MPPE1: variants seen among roughly 807,000 people sequenced by gnomAD.
The protein encoded by MPPE1 is metallophosphoesterase 1, also known as metallo phosphoesterase.
MPPE1 carries 28 observed loss-of-function variants against 43.8 expected under a neutral mutation model. The observed-to-expected ratio is 0.64, with a 90% CI of 0.47 to 0.88. The LOEUF (loss-of-function observed/expected upper bound fraction) is 0.88, where lower values mean the gene tolerates loss of function less well. Among genes scored for constraint, MPPE1 ranks in the 40% least tolerant of loss-of-function variants. The pLI is 0.00. For missense variants in MPPE1, 428 were observed against 492.2 expected (o/e 0.87, Z 1.23); for synonymous variants, 159 against 188.5 (o/e 0.84, Z 1.28).
intron 3 of MPPE1, among the ~76,000 whole-genome samples, chr18:11,894,867 A>G (rs2038422988): frequency 6.6e-6 from 1 of 152,196 alleles, no homozygotes; most frequent in African/African-American, 2.4e-5. Context: ...CTGGGATTAC[A>G]GGCATGAGCC....
chr18:11,884,161 C>G lies in MPPE1; in HGVS notation c.*284G>C. The G allele has an allele frequency of 3.3e-6, 1 of 306,902 alleles. No individual in the cohort carries two copies. Among genetic ancestry groups the G allele is most frequent in the South Asian group, 5.1e-5 (1 of 19,738 alleles). The allele number at this position is 306,902 out of a possible 1,614,324, so 19.0% of individuals were successfully genotyped here. On this transcript the variant is annotated 3_prime_UTR_variant, in exon 11 of 11. Transcript: ENST00000588072. ...CAAGGACTGTCGTGCATGTGAGTGA[C>G]GACATTAATAGCATTTACATACTGT... is the stretch of plus-strand genomic sequence containing the variant.
intron 2 of MPPE1, among the ~76,000 whole-genome samples, chr18:11,901,624 T>C (rs530732364): frequency 1.3e-5 from 2 of 151,912 alleles, no homozygotes; most frequent in South Asian, 4.2e-4. Context: ...GTGGATCACC[T>C]GAGGTCAGGA....
chr18:11,896,475 A>T (rs371127641), intron 3 of MPPE1, among the ~76,000 whole-genome samples: 1 of 152,314 alleles, frequency 6.6e-6, no homozygotes, highest in South Asian at 2.1e-4. Flanking sequence ...TGAGTTGGAA[A>T]GATAGGACCT....
Position 11,886,553 on chromosome 18 carries a change from C to T in MPPE1, c.813G>A (p.Arg271=), listed in dbSNP as rs2037285053. 1 of 1,614,068 alleles carries T rather than the reference C, an allele frequency of 6.2e-7. No homozygotes were observed. The highest frequency in any genetic ancestry group is 8.5e-7 in the Non-Finnish European group (1 of 1,180,056). The change falls in exon 9 of 11, where the codon AGG becomes AGA. Residue 271 remains arginine (R), a synonymous_variant. Coordinates refer to ENST00000588072, the MANE Select transcript of MPPE1 (RefSeq NM_023075.6). The surrounding 1 kb of genome is among the most constrained non-coding windows in gnomAD (Gnocchi z 4.1). ...SGEDAAPAEE[R]DIPFKENYDV... ...CATAGTTCTCCTTAAATGGGATGTC[C>T]CTTTCCTCTGCAGGAGCAGCGTCTT...
chr18:11,894,446 A>AC (rs2038362250), intron 3 of MPPE1, among the ~76,000 whole-genome samples: 1 of 151,436 alleles, frequency 6.6e-6, no homozygotes, highest in Non-Finnish European at 1.5e-5. Context: ...AAAAAAAAAA[A>AC]AAAAAAAAAC....
At chr18:11,888,766 A>G in intron 5 of MPPE1, 23 bp from the exon 6 acceptor site, 2 of 1,483,222 alleles carry the variant, frequency 1.3e-6, no homozygotes, top group Non-Finnish European at 1.8e-6. Flanking sequence ...GTGAGAAGAA[A>G]CATTTTTCAG....
intron 1 of MPPE1, among the ~76,000 whole-genome samples, chr18:11,907,438 C>T (rs1157329166): frequency 6.6e-6 from 1 of 152,184 alleles, no homozygotes; most frequent in Non-Finnish European, 1.5e-5. Context: ...ACCTTGCGTA[C>T]GCGTTCTCAG....
chr18:11,896,829 T>C (rs141926773), intron 3 of MPPE1, among the ~76,000 whole-genome samples, 155 bp downstream of exon 3: 7 of 152,264 alleles, frequency 4.6e-5, no homozygotes, highest in Non-Finnish European at 8.8e-5. Context: ...CCTCAGTAAA[T>C]GGTAAATTCA....
chr18:11,896,968 T>C lies in MPPE1; in HGVS notation c.281+16A>G. ...GCCTACAGAATTTTAGAAAGATTCC[T>C]GATTTTACCTCTTACCTTCGTAATT... On this transcript the variant is annotated intron_variant, in intron 3 of 10. Coordinates refer to ENST00000588072, the MANE Select transcript of MPPE1 (RefSeq NM_023075.6). 1 of 1,600,876 alleles carries C rather than the reference T, an allele frequency of 6.2e-7. No homozygotes were observed. The highest frequency in any genetic ancestry group is 1.7e-4 in the Middle Eastern group (1 of 5,992).
At chr18:11,897,396 A>G (rs1355721378) in intron 2 of MPPE1, 40 bp from the exon 3 acceptor site, 1 of 809,608 alleles carries the variant, frequency 1.2e-6, no homozygotes, top group Non-Finnish European at 2.0e-6. Flanking sequence ...GTTCCCTAAT[A>G]ATACAGGTAT....
chr18:11,888,009 A>G (rs2037532767), intron 6 of MPPE1, among the ~76,000 whole-genome samples: 1 of 152,228 alleles, frequency 6.6e-6, no homozygotes, highest in Admixed American at 6.5e-5. Flanking sequence ...CAAGATTAAA[A>G]GAGAAAAGGC....
In MPPE1 at chr18:11,883,607, C is replaced by CACTT. The variant is rs2036780439; in HGVS notation, c.*834_*837dup. 1 of 153,458 alleles carries CACTT rather than the reference C, an allele frequency of 6.5e-6. No individual in the cohort carries two copies. Among genetic ancestry groups the CACTT allele is most frequent in the Admixed American group, 6.5e-5 (1 of 15,276 alleles). The allele number at this position is 153,458 out of a possible 1,614,324, so 9.5% of individuals were successfully genotyped here. A position where few individuals can be genotyped will look rare whatever the true frequency, so the allele number is the denominator to read the frequency against. On this transcript the variant is annotated 3_prime_UTR_variant, in exon 11 of 11. Transcript: ENST00000588072. ...ACGTGGTCTCCTATAGAGAAAATTA[C>CACTT]ACTTATCTAAAAATCTGATTCCATT...
Position 11,900,689 on chromosome 18 carries a change from C to T in MPPE1, c.-92-3333G>A, listed in dbSNP as rs540804791. 1.6e-3 allele frequency among the ~76,000 whole-genome samples: 247 copies of T among 151,896 alleles called. 1 individual carries two copies. The highest frequency in any genetic ancestry group is 2.5e-3 in the East Asian group (13 of 5,142). ...TTGGGAGGCCAAGGTGGGCAGATCA[C>T]GAGGTCAGGAGATCGAGACCATCCT... is the stretch of plus-strand genomic sequence containing the variant. On this transcript the variant is annotated intron_variant, in intron 2 of 10. Transcript: ENST00000588072.
At chr18:11,897,799 T>C (rs2144580588) in intron 2 of MPPE1, among the ~76,000 whole-genome samples, 1 of 152,328 alleles carries the variant, frequency 6.6e-6, no homozygotes, top group Non-Finnish European at 1.5e-5. Flanking sequence ...TGGTGTTAAT[T>C]CATCACTTTT....
chr18:11,894,399 T>C (rs2038344464), intron 3 of MPPE1, among the ~76,000 whole-genome samples: 1 of 121,442 alleles, frequency 8.2e-6, no homozygotes, highest in Non-Finnish European at 1.6e-5. Flanking sequence ...CTGCACTCAC[T>C]CCAGCCTGGG....
Position 11,906,275 on chromosome 18 carries a change from T to C in MPPE1, c.-165A>G, listed in dbSNP as rs2039704363. ...AGAGAGATTGGTACGAGGCTCTAAG[T>C]TGGCATCTGCTCCCCAAAATCAGAA... is the stretch of plus-strand genomic sequence containing the variant. On this transcript the variant is annotated 5_prime_UTR_variant, in exon 2 of 11. Coordinates refer to ENST00000588072, the MANE Select transcript of MPPE1 (RefSeq NM_023075.6). 1 of 152,182 alleles carries C rather than the reference T, an allele frequency of 6.6e-6. No individual in the cohort carries two copies. Among genetic ancestry groups the C allele is most frequent in the Non-Finnish European group, 1.5e-5 (1 of 68,036 alleles). 9.4% of individuals were successfully genotyped at this position (152,182 alleles called of 1,614,324 possible).
chr18:11,900,768 G>C (rs544226208), intron 2 of MPPE1, among the ~76,000 whole-genome samples: 9 of 151,782 alleles, frequency 5.9e-5, no homozygotes, highest in Admixed American at 2.0e-4. Context: ...TTAGCCAGGC[G>C]TGGTGGCAGA....
intron 1 of MPPE1, among the ~76,000 whole-genome samples, chr18:11,907,063 A>AT (rs1370001506): frequency 6.6e-6 from 1 of 152,102 alleles, no homozygotes; most frequent in Non-Finnish European, 1.5e-5. Flanking sequence ...TTAGGCCATG[A>AT]TGGGAAGTGG....
intron 4 of MPPE1, among the ~76,000 whole-genome samples, chr18:11,890,225 AG>A (rs548552277): frequency 1.6e-3 from 237 of 152,274 alleles, no homozygotes; most frequent in Middle Eastern, 6.8e-3. Flanking sequence ...TACAGGCGTG[AG>A]CCACCACACT....
Sources: gnomAD v4.1 joint callset for allele counts (sites outside exome capture counted in the v4.1 genomes callset) on GRCh38, gnomAD v4.1.1 for gene constraint, Gnocchi (gnomAD v3.1) non-coding constraint, MANE v1.5 for transcripts, NCBI Gene and HGNC (gene_info 2026-07-23, HGNC 2026-07-21) for gene names.